Variants in HCK observed in about 807,000 individuals in gnomAD.
HCK encodes tyrosine-protein kinase HCK.
HCK carries 40 observed loss-of-function variants against 70.4 expected under a neutral mutation model. The observed-to-expected ratio is 0.57, with a 90% CI of 0.44 to 0.74. HCK has a LOEUF of 0.74. Among genes scored for constraint, HCK ranks in the 30% least tolerant of loss-of-function variants. The probability of loss-of-function intolerance (pLI) is 0.00; values close to 1 mark genes in which losing one functional copy is unlikely to be tolerated. For missense variants in HCK, 568 were observed against 697.2 expected (o/e 0.81, Z 2.09); for synonymous variants, 245 against 263.2 (o/e 0.93, Z 0.67).
At chr20:32,072,776 T>C (rs535637888) in intron 2 of HCK, among the ~76,000 whole-genome samples, 1 of 149,258 alleles carries the variant, frequency 6.7e-6, no homozygotes, top group East Asian at 2.0e-4. Flanking sequence ...AGGGGAGGGG[T>C]CAAGCAGCAT....
In HCK at chr20:32,068,431, C is replaced by CAA. The variant is rs1568971270; in HGVS notation, c.63-3230_63-3229dup. Among the ~76,000 whole-genome samples, 8 of 150,948 alleles carry CAA rather than the reference C, an allele frequency of 5.3e-5. No individual in the cohort carries two copies. In the South Asian group the frequency reaches 8.3e-4, roughly 16 times the overall value. On this transcript the variant is annotated intron_variant, in intron 1 of 12. Transcript: ENST00000375852. The stretch of plus-strand genomic sequence containing the variant: ...GAAAAAATAAAATAAAATAAAATTT[C>CAA]AATTTTAATTTTTAAAAACCTGGCT...
At chr20:32,100,079 T>A (rs978406315) in intron 12 of HCK, among the ~76,000 whole-genome samples, 2 of 152,074 alleles carry the variant, frequency 1.3e-5, no homozygotes, top group Non-Finnish European at 2.9e-5. Context: ...TTTATTTTTT[T>A]AATTTTTTTG....
intron 11 of HCK, among the ~76,000 whole-genome samples, chr20:32,098,383 G>C (rs1046387499): frequency 6.6e-6 from 1 of 152,042 alleles, no homozygotes; most frequent in Non-Finnish European, 1.5e-5. Context: ...GTAACCCCAG[G>C]GGCTTGAGAG....
chr20:32,064,205 A>T (rs894941702), intron 1 of HCK, among the ~76,000 whole-genome samples: 1 of 151,760 alleles, frequency 6.6e-6, no homozygotes, highest in Non-Finnish European at 1.5e-5. Flanking sequence ...GGGTTTCACC[A>T]TGTTGGACAA....
At chr20:32,091,858 A>G (rs1240006819) in intron 10 of HCK, among the ~76,000 whole-genome samples, 1 of 151,758 alleles carries the variant, frequency 6.6e-6, no homozygotes, top group East Asian at 1.9e-4. Context: ...AGTGGCATGC[A>G]CCTATAGTAC....
intron 1 of HCK, among the ~76,000 whole-genome samples, chr20:32,069,972 A>C (rs1047527808): frequency 6.6e-6 from 1 of 152,204 alleles, no homozygotes; most frequent in Non-Finnish European, 1.5e-5. Flanking sequence ...TTCTCAGCAA[A>C]TGTGTGTGCA....
Position 32,067,599 on chromosome 20 carries a change from G to A in HCK, c.63-4063G>A, listed in dbSNP as rs533768902. ...ACACTTTTACTTCCTACTACATAAA[G>A]TATGGCACGCCAGGCATGCAGCCAT... On this transcript the variant is annotated intron_variant, in intron 1 of 12. Transcript: ENST00000375852. Among the ~76,000 whole-genome samples the A allele has an allele frequency of 2.4e-4, 29 of 119,896 alleles. No individual in the cohort carries two copies. In the South Asian group the frequency reaches 4.5e-3, roughly 19 times the overall value. The allele number at this position is 119,896 out of a possible 152,430, so 78.7% of individuals were successfully genotyped here. A position where few individuals can be genotyped will look rare whatever the true frequency, so the allele number is the denominator to read the frequency against.
In HCK at chr20:32,099,350, C is replaced by CTTTTTTTTTTTT. The variant is rs71336559; in HGVS notation, c.1378+229_1378+240dup. On this transcript the variant is annotated intron_variant, in intron 12 of 12. Coordinates refer to ENST00000375852, the MANE Select transcript of HCK (RefSeq NM_002110.5). ...CCTTCCTTCTCTCTCACTCCTATGA[C>CTTTTTTTTTTTT]TTTTTTTTTTTTTTTTTTTTTTTTT... Among the ~76,000 whole-genome samples the CTTTTTTTTTTTT allele has an allele frequency of 6.5e-4, 55 of 85,174 alleles. 4 individuals are homozygous for CTTTTTTTTTTTT. The highest frequency in any genetic ancestry group is 3.4e-3 in the African/African-American group (53 of 15,520). The allele number at this position is 85,174 out of a possible 152,430, so 55.9% of individuals were successfully genotyped here.
At chr20:32,072,047 A>C in intron 2 of HCK, 5 of 474,164 alleles carry the variant, frequency 1.1e-5, no homozygotes, top group East Asian at 3.4e-5. Flanking sequence ...TGAGCATCTC[A>C]GGCCTCCGGC....
At chr20:32,073,022 C>T (rs1441974811) in intron 2 of HCK, among the ~76,000 whole-genome samples, 3 of 151,960 alleles carry the variant, frequency 2.0e-5, no homozygotes, top group Non-Finnish European at 4.4e-5. Flanking sequence ...ATCACTTGAA[C>T]CCGAGAGGTG....
chr20:32,086,914 GC>G, intron 9 of HCK, 107 bp downstream of exon 9: 1 of 987,284 alleles, frequency 1.0e-6, no homozygotes, highest in Non-Finnish European at 1.5e-6. Flanking sequence ...CCCCAATCTG[GC>G]CAGGAGCTCT....
At chr20:32,077,931 G>A (rs1490261590) in intron 5 of HCK, among the ~76,000 whole-genome samples, 1 of 152,178 alleles carries the variant, frequency 6.6e-6, no homozygotes, top group East Asian at 1.9e-4. Context: ...GTCATGTACT[G>A]AAGCGAATCT....
intron 1 of HCK, among the ~76,000 whole-genome samples, chr20:32,058,437 C>G (rs977937759): frequency 6.6e-6 from 1 of 150,636 alleles, no homozygotes; most frequent in Admixed American, 6.7e-5. Context: ...GAAGCCGAGG[C>G]AGGAGAATTG....
intron 7 of HCK, 52 bp downstream of exon 7, chr20:32,084,095 C>T (rs1286485282): frequency 6.3e-7 from 1 of 1,586,966 alleles, no homozygotes; most frequent in Non-Finnish European, 8.6e-7. Context: ...CCACAGACTC[C>T]TAGTCACGGA....
intron 1 of HCK, among the ~76,000 whole-genome samples, chr20:32,062,203 G>A (rs1383013296): frequency 6.6e-6 from 1 of 152,064 alleles, no homozygotes; most frequent in Non-Finnish European, 1.5e-5. Flanking sequence ...GCCTCCCAAA[G>A]TGCTGGGATT....
intron 1 of HCK, chr20:32,054,108 G>T: frequency 2.4e-6 from 1 of 421,834 alleles, no homozygotes; most frequent in South Asian, 1.7e-5. Flanking sequence ...ATAGCATTTT[G>T]TTGTGTTTGT....
intron 6 of HCK, among the ~76,000 whole-genome samples, chr20:32,081,581 C>T (rs2045709901): frequency 6.6e-6 from 1 of 152,006 alleles, no homozygotes; most frequent in African/African-American, 2.4e-5. Flanking sequence ...CCTCATGTGG[C>T]CTTCTACTTG....
chr20:32,069,116 T>C (rs555056167), intron 1 of HCK, among the ~76,000 whole-genome samples: 2 of 152,276 alleles, frequency 1.3e-5, no homozygotes, highest in South Asian at 4.1e-4. Flanking sequence ...TAAACAGAAA[T>C]AGTTGTGGTT....
At chr20:32,078,160 G>A (rs779482916) in intron 5 of HCK, among the ~76,000 whole-genome samples, 31 of 151,046 alleles carry the variant, frequency 2.1e-4, no homozygotes, top group Non-Finnish European at 3.7e-4. Flanking sequence ...TCAGCCTCCC[G>A]AGTAGCTGGG....
Sources: allele counts gnomAD v4.1 joint callset (sites outside exome capture counted in the v4.1 genomes callset), GRCh38; gene constraint gnomAD v4.1.1; transcripts MANE v1.5; gene names NCBI Gene and HGNC (gene_info 2026-07-23, HGNC 2026-07-21).